Variants in APBA2 observed in about 807,000 individuals in gnomAD.
APBA2 encodes the protein amyloid beta precursor protein binding family A member 2.
A neutral mutation model predicts 75.0 loss-of-function variants in APBA2; 30 were observed. The observed-to-expected ratio is 0.40, with a 90% CI of 0.30 to 0.54. The LOEUF (loss-of-function observed/expected upper bound fraction) is 0.54, where lower values mean the gene tolerates loss of function less well. Among genes scored for constraint, APBA2 ranks in the 20% least tolerant of loss-of-function variants. The pLI, the probability that APBA2 is intolerant of heterozygous loss-of-function variation, is 0.49. For synonymous variants in APBA2, 444 were observed against 409.6 expected (o/e 1.08, Z -1.01); for missense variants, 801 against 1,016.1 (o/e 0.79, Z 2.88).
chr15:29,101,262 T>C (rs1174492377), intron 9 of APBA2, among the ~76,000 whole-genome samples: 1 of 151,360 alleles, frequency 6.6e-6, no homozygotes, highest in African/African-American at 2.4e-5. Context: ...GGAGTTTTGC[T>C]CTTGTTGCCC....
At chr15:28,929,726 G>A (rs889219212) in intron 2 of APBA2, among the ~76,000 whole-genome samples, 4 of 152,188 alleles carry the variant, frequency 2.6e-5, no homozygotes, top group Non-Finnish European at 1.5e-5. Context: ...GGACTTGGGT[G>A]CACATTGCAA....
At chr15:29,004,199 C>A (rs962164015) in intron 3 of APBA2, among the ~76,000 whole-genome samples, 1 of 152,182 alleles carries the variant, frequency 6.6e-6, no homozygotes, top group Admixed American at 6.5e-5. Flanking sequence ...AAGCCAAGTT[C>A]TAGATAGAAT....
At chr15:28,954,350 A>G (rs1353689335) in intron 2 of APBA2, among the ~76,000 whole-genome samples, 3 of 152,172 alleles carry the variant, frequency 2.0e-5, no homozygotes, top group Non-Finnish European at 4.4e-5. Flanking sequence ...TTCCCTGGCC[A>G]TCCCATTAAG....
intron 2 of APBA2, among the ~76,000 whole-genome samples, chr15:28,953,784 A>G (rs1443718386): frequency 1.3e-5 from 2 of 151,698 alleles, no homozygotes; most frequent in African/African-American, 4.9e-5. Flanking sequence ...CCCCTTACTG[A>G]CCCGTGAGTG....
chr15:29,013,037 ATT>A (rs2039476394), intron 3 of APBA2, among the ~76,000 whole-genome samples: 1 of 152,194 alleles, frequency 6.6e-6, no homozygotes, highest in South Asian at 2.1e-4. Context: ...CACAGAGATC[ATT>A]TAAAAAAATT....
At chr15:29,116,222 A>C (rs2045120376) in intron 14 of APBA2, among the ~76,000 whole-genome samples, 1 of 152,108 alleles carries the variant, frequency 6.6e-6, no homozygotes, top group Non-Finnish European at 1.5e-5. Flanking sequence ...CCAGGCCCCA[A>C]AGGGTCATTT....
At position 29,057,132 on chromosome 15, in the gene APBA2, G is replaced by A. The variant is rs878880998; in HGVS notation, c.951+2297G>A. On this transcript the variant is annotated intron_variant, in intron 4 of 14. Transcript: ENST00000683413. ...TAGTGTAGTGATCCCTATGGTTGAG[G>A]CTGCAGTAAAAAAAAAATCTGAAGG... Among the ~76,000 whole-genome samples the A allele has an allele frequency of 5.9e-5, 9 of 152,086 alleles. 1 individual carries two copies. The highest frequency in any genetic ancestry group is 3.3e-4 in the Admixed American group (5 of 15,268).
At chr15:28,954,880 A>C (rs1016146928) in intron 2 of APBA2, among the ~76,000 whole-genome samples, 1 of 152,058 alleles carries the variant, frequency 6.6e-6, no homozygotes, top group African/African-American at 2.4e-5. Flanking sequence ...CTTGGTGACC[A>C]TGTGTGTGCT....
At chr15:28,887,174 A>G (rs2031800576) in intron 1 of APBA2, among the ~76,000 whole-genome samples, 2 of 152,160 alleles carry the variant, frequency 1.3e-5, no homozygotes, top group Non-Finnish European at 2.9e-5. Flanking sequence ...CACCAGACAT[A>G]AATCTGTGGT....
At chr15:28,935,031 G>A (rs2034779095) in intron 2 of APBA2, among the ~76,000 whole-genome samples, 1 of 152,198 alleles carries the variant, frequency 6.6e-6, no homozygotes, top group African/African-American at 2.4e-5. Context: ...TGCCCACACA[G>A]TTCCTGGCAT....
chr15:28,896,819 C>A (rs548690111), intron 1 of APBA2, among the ~76,000 whole-genome samples: 2 of 152,252 alleles, frequency 1.3e-5, no homozygotes, highest in East Asian at 3.9e-4. Flanking sequence ...CTTTTAAATA[C>A]AATTAGATTT....
At chr15:28,897,504 G>A (rs2032570107) in intron 1 of APBA2, among the ~76,000 whole-genome samples, 1 of 150,836 alleles carries the variant, frequency 6.6e-6, no homozygotes, top group African/African-American at 2.4e-5. Context: ...TATAACCCCA[G>A]CTACTCGGGA....
At chr15:29,073,709 C>T (rs59046656) in intron 4 of APBA2, among the ~76,000 whole-genome samples, 4,084 of 152,216 alleles carry the variant, frequency 0.027, 108 homozygotes, top group African/African-American at 0.064. Flanking sequence ...TGTTATTTCT[C>T]GATAATTTAT....
At chr15:28,981,069 C>G (rs913276331) in intron 2 of APBA2, among the ~76,000 whole-genome samples, 15 of 152,244 alleles carry the variant, frequency 9.9e-5, no homozygotes, top group African/African-American at 2.9e-4. Flanking sequence ...TATGAGAATC[C>G]TAGAAGAAAA....
intron 3 of APBA2, among the ~76,000 whole-genome samples, chr15:29,003,883 A>G (rs756687220): frequency 1.3e-5 from 2 of 152,218 alleles, no homozygotes; most frequent in Non-Finnish European, 2.9e-5. Flanking sequence ...TCAACTCATT[A>G]TGGACTTTAA....
intron 2 of APBA2, among the ~76,000 whole-genome samples, 186 bp downstream of exon 2, chr15:28,921,935 C>A (rs761876365): frequency 1.3e-5 from 2 of 152,194 alleles, no homozygotes; most frequent in Non-Finnish European, 2.9e-5. Flanking sequence ...ACTTCACATA[C>A]GCTTACATTT....
intron 2 of APBA2, among the ~76,000 whole-genome samples, chr15:28,928,810 A>C (rs2034413486): frequency 6.6e-6 from 1 of 152,122 alleles, no homozygotes; most frequent in Admixed American, 6.5e-5. Flanking sequence ...CTGGAGGAAA[A>C]GCCCATGAAA....
intron 2 of APBA2, among the ~76,000 whole-genome samples, chr15:28,969,662 G>C (rs2036959898): frequency 6.6e-6 from 1 of 152,186 alleles, no homozygotes; most frequent in Admixed American, 6.5e-5. Flanking sequence ...GCTTTGGCAA[G>C]GTGTCCGGAG....
intron 1 of APBA2, among the ~76,000 whole-genome samples, chr15:28,909,544 G>A (rs2033328799): frequency 6.6e-6 from 1 of 152,222 alleles, no homozygotes; most frequent in South Asian, 2.1e-4. Flanking sequence ...ACAGTAGAAA[G>A]AATCCAAGAA....
Sources: gnomAD v4.1 joint callset for allele counts (sites outside exome capture counted in the v4.1 genomes callset) on GRCh38, gnomAD v4.1.1 for gene constraint, MANE v1.5 for transcripts, NCBI Gene and HGNC (gene_info 2026-07-23, HGNC 2026-07-21) for gene names.